FTCDNL1: variants seen among roughly 807,000 people sequenced by gnomAD.
The protein encoded by FTCDNL1 is formiminotransferase N-terminal subdomain-containing protein.
A neutral mutation model predicts 5.9 loss-of-function variants in FTCDNL1; 11 were observed. That is an observed-to-expected ratio of 1.87 (90% CI 1.18 to 3.10). The LOEUF is 3.10. FTCDNL1 is among the 30% of genes most tolerant of loss of function. FTCDNL1 has a pLI of 0.00. For synonymous variants in FTCDNL1, 58 were observed against 24.8 expected (o/e 2.34, Z -3.99); for missense variants, 115 against 65.5 (o/e 1.76, Z -2.61).
At chr2:199,753,064 A>C in the FTCDNL1 span, among the ~76,000 whole-genome samples, 1 of 152,232 alleles carries the variant, frequency 6.6e-6, no homozygotes, top group African/African-American at 2.4e-5. Flanking sequence ...CATGGTGGGG[A>C]GTGAAACGGG....
chr2:199,796,432 T>C (rs551162336), intron 3 of FTCDNL1, among the ~76,000 whole-genome samples: 1 of 152,314 alleles, frequency 6.6e-6, no homozygotes, highest in South Asian at 2.1e-4. Context: ...AACGGTACCG[T>C]CACTGAAGTC....
the FTCDNL1 span, among the ~76,000 whole-genome samples, chr2:199,719,218 A>C: frequency 7.2e-5 from 11 of 152,090 alleles, no homozygotes; most frequent in Non-Finnish European, 1.5e-4. Context: ...ATCATTGTAT[A>C]TGGTAAGAGG....
Position 199,819,332 on chromosome 2 carries a change from T to C in FTCDNL1, c.397+240A>G, listed in dbSNP as rs1559217984. On this transcript the variant is annotated intron_variant, in intron 4 of 4. Transcript: ENST00000420128. ...ATCAGTGATCACGTTGCAGGGCTAA[T>C]GATATATCTTGAATATCACTTCTGG... 4 of 511,918 alleles carry C rather than the reference T, an allele frequency of 7.8e-6. No homozygotes were observed. The East Asian group carries it at 1.3e-4, about 17-fold the overall frequency. The allele number at this position is 511,918 out of a possible 1,614,324, so 31.7% of individuals were successfully genotyped here.
At chr2:199,671,430 G>A in the FTCDNL1 span, among the ~76,000 whole-genome samples, 2 of 151,770 alleles carry the variant, frequency 1.3e-5, no homozygotes, top group East Asian at 1.9e-4. Flanking sequence ...GGAACCACAT[G>A]TAGGCAAGAG....
intron 3 of FTCDNL1, among the ~76,000 whole-genome samples, chr2:199,831,370 C>T (rs916686532): frequency 6.6e-6 from 1 of 151,976 alleles, no homozygotes; most frequent in African/African-American, 2.4e-5. Flanking sequence ...AGGGACTATT[C>T]AAGAATGTTC....
the FTCDNL1 span, among the ~76,000 whole-genome samples, chr2:199,682,316 C>T: frequency 1.3e-5 from 2 of 152,168 alleles, no homozygotes; most frequent in African/African-American, 4.8e-5. Context: ...TCTGGGTCTC[C>T]GGCCTGCCCA....
At chr2:199,687,957 T>C in the FTCDNL1 span, among the ~76,000 whole-genome samples, 1 of 152,118 alleles carries the variant, frequency 6.6e-6, no homozygotes, top group African/African-American at 2.4e-5. Context: ...AAAGTGAGCA[T>C]GTCTCTGGGT....
chr2:199,845,098 G>T (rs1051801933), intron 3 of FTCDNL1, among the ~76,000 whole-genome samples: 1 of 151,724 alleles, frequency 6.6e-6, no homozygotes, highest in Admixed American at 6.6e-5. Flanking sequence ...ACTTATTTTA[G>T]TTTTGCTCTT....
chr2:199,752,530 T>G, the FTCDNL1 span, among the ~76,000 whole-genome samples: 1 of 152,150 alleles, frequency 6.6e-6, no homozygotes, highest in African/African-American at 2.4e-5. Context: ...AAGGCCTGAA[T>G]AGAACACTAG....
At chr2:199,744,042 C>T in the FTCDNL1 span, among the ~76,000 whole-genome samples, 2 of 152,158 alleles carry the variant, frequency 1.3e-5, no homozygotes, top group African/African-American at 4.8e-5. Context: ...ATGTCACAAT[C>T]CAATAGTAAT....
chr2:199,766,712 C>A (rs955495654), intron 3 of FTCDNL1, among the ~76,000 whole-genome samples: 1 of 152,070 alleles, frequency 6.6e-6, no homozygotes, highest in Non-Finnish European at 1.5e-5. Flanking sequence ...ACTTAAACGT[C>A]AGCTTGATGG....
intron 3 of FTCDNL1, among the ~76,000 whole-genome samples, chr2:199,794,869 G>A (rs1417392715): frequency 6.6e-6 from 1 of 152,158 alleles, no homozygotes; most frequent in East Asian, 1.9e-4. Context: ...GGGTGACAGA[G>A]TGAGATCCTG....
the FTCDNL1 span, among the ~76,000 whole-genome samples, chr2:199,754,482 C>T: frequency 6.6e-6 from 1 of 152,076 alleles, no homozygotes; most frequent in Non-Finnish European, 1.5e-5. Context: ...AGGAGGCCAC[C>T]ATTTAACACC....
rs1701100835 is a variant in FTCDNL1 at position 199,812,632 on chromosome 2, C to A, written c.*73G>T. 3 of 624,666 alleles carry A rather than the reference C, an allele frequency of 4.8e-6. No homozygotes were observed. In the South Asian group the frequency reaches 5.7e-5, roughly 12 times the overall value. 38.7% of individuals were successfully genotyped at this position (624,666 alleles called of 1,614,324 possible). A position where few individuals can be genotyped will look rare whatever the true frequency, so the allele number is the denominator to read the frequency against. ...CACTCCCGCCTCCCGCAGATTGGCA[C>A]TCAGCTGCTCTGGTGGCAGCACGGA... On this transcript the variant is annotated 3_prime_UTR_variant, in exon 5 of 5. Transcript: ENST00000420128.
At chr2:199,765,556 A>ATATATATATATTTTTT in intron 3 of FTCDNL1, among the ~76,000 whole-genome samples, 2 of 42,660 alleles carry the variant, frequency 4.7e-5, no homozygotes, top group Non-Finnish European at 9.6e-5. Context: ...ATATATATAT[A>ATATATATATATTTTTT]TTTTTTTTTT....
the FTCDNL1 span, among the ~76,000 whole-genome samples, chr2:199,748,341 C>G: frequency 6.6e-6 from 1 of 152,116 alleles, no homozygotes; most frequent in Non-Finnish European, 1.5e-5. Context: ...TAAGACAGAA[C>G]TCTCTCCTAA....
chr2:199,795,146 A>G (rs1700110300), intron 3 of FTCDNL1, among the ~76,000 whole-genome samples: 1 of 152,204 alleles, frequency 6.6e-6, no homozygotes, highest in South Asian at 2.1e-4. Flanking sequence ...CCAATGCCTG[A>G]CATACAAGGC....
At chr2:199,710,687 T>A in the FTCDNL1 span, among the ~76,000 whole-genome samples, 1 of 152,344 alleles carries the variant, frequency 6.6e-6, no homozygotes, top group East Asian at 1.9e-4. Context: ...TGTGCATCTT[T>A]CAGCAAGTCT....
chr2:199,682,244 T>G, the FTCDNL1 span, among the ~76,000 whole-genome samples: 1 of 152,176 alleles, frequency 6.6e-6, no homozygotes, highest in Non-Finnish European at 1.5e-5. Flanking sequence ...CTATACTCCT[T>G]GAGCAGGAGA....
Sources: gnomAD v4.1 joint callset for allele counts (sites outside exome capture counted in the v4.1 genomes callset) on GRCh38, gnomAD v4.1.1 for gene constraint, MANE v1.5 for transcripts, NCBI Gene and HGNC (gene_info 2026-07-23, HGNC 2026-07-21) for gene names.